Variants in SPINK5 observed in about 807,000 individuals in gnomAD.
SPINK5 encodes the protein serine peptidase inhibitor Kazal type 5, also known as serine protease inhibitor Kazal-type 5.
Under a neutral mutation model 151.8 loss-of-function variants are expected in SPINK5, and 125 were observed. The ratio of observed to expected loss-of-function variants is 0.82; its 90% CI spans 0.71 to 0.96. The LOEUF is 0.96. Among genes scored for constraint, SPINK5 ranks in the 40% least tolerant of loss-of-function variants. SPINK5 has a pLI of 0.00. For missense variants in SPINK5, 1,194 were observed against 1,291.9 expected (o/e 0.92, Z 1.16); for synonymous variants, 374 against 395.3 (o/e 0.95, Z 0.64).
chr5:148,101,634 TA>T, intron 14 of SPINK5, 146 bp from the exon 15 acceptor site: 1 of 1,308,976 alleles, frequency 7.6e-7, no homozygotes, highest in Non-Finnish European at 1.1e-6. Flanking sequence ...TTTTATCACT[TA>T]AAAAATCCAT....
At chr5:148,128,179 A>T (rs1404344012) in intron 30 of SPINK5, among the ~76,000 whole-genome samples, 2 of 152,014 alleles carry the variant, frequency 1.3e-5, no homozygotes, top group Non-Finnish European at 2.9e-5. Context: ...TGAGCTCCAC[A>T]TCAGGGATCC....
At chr5:148,108,265 A>G (rs1195173276) in intron 17 of SPINK5, among the ~76,000 whole-genome samples, 1 of 152,224 alleles carries the variant, frequency 6.6e-6, no homozygotes, top group Non-Finnish European at 1.5e-5. Context: ...CTGCAATCTA[A>G]ACCTTGAATT....
At chr5:148,087,990 C>T (rs114716652) in intron 5 of SPINK5, among the ~76,000 whole-genome samples, 2,333 of 151,498 alleles carry the variant, frequency 0.015, 50 homozygotes, top group African/African-American at 0.054. Flanking sequence ...TTGTAATCTG[C>T]TTTAACTTTT....
intron 16 of SPINK5, among the ~76,000 whole-genome samples, chr5:148,105,646 C>T (rs528218042): frequency 7.9e-5 from 12 of 151,848 alleles, no homozygotes; most frequent in East Asian, 1.9e-4. Context: ...GATGGAGTCT[C>T]GCTCTGTTGC....
chr5:148,133,252 A>G (rs1754616274), intron 31 of SPINK5, among the ~76,000 whole-genome samples: 1 of 152,212 alleles, frequency 6.6e-6, no homozygotes, highest in Admixed American at 6.5e-5. Flanking sequence ...AATTTAAGCA[A>G]TGCTAAAAGA....
At chr5:148,086,825 G>T (rs1447888022) in intron 5 of SPINK5, among the ~76,000 whole-genome samples, 1 of 150,228 alleles carries the variant, frequency 6.7e-6, no homozygotes, top group Non-Finnish European at 1.5e-5. Flanking sequence ...AAATGTTATA[G>T]ATTTTATATT....
chr5:148,129,552 T>C (rs1754524338), intron 30 of SPINK5, among the ~76,000 whole-genome samples: 1 of 152,140 alleles, frequency 6.6e-6, no homozygotes, highest in Non-Finnish European at 1.5e-5. Flanking sequence ...GTAGTACCTT[T>C]TGAACATTAT....
chr5:148,123,740 G>A (rs1288141870), intron 26 of SPINK5, 93 bp from the exon 27 acceptor site: 2 of 1,555,208 alleles, frequency 1.3e-6, no homozygotes, highest in African/African-American at 1.4e-5. Context: ...TTTTTTTCCT[G>A]TGTTATGAGT....
intron 30 of SPINK5, 81 bp downstream of exon 30, chr5:148,127,160 C>A (rs1480597570): frequency 1.6e-6 from 2 of 1,242,986 alleles, no homozygotes; most frequent in Non-Finnish European, 2.3e-6. Context: ...TTGCTATTTT[C>A]ATAGAAGGGT....
chr5:148,086,523 C>A lies in SPINK5; in HGVS notation c.401C>A (p.Ala134Asp). 1 of 1,611,260 alleles carries A rather than the reference C, an allele frequency of 6.2e-7. No homozygotes were observed. The highest frequency in any genetic ancestry group is 8.5e-7 in the Non-Finnish European group (1 of 1,178,436). The change falls in exon 5 of 33, where the codon GCT becomes GAT. Residue 134 changes from alanine (A) to aspartate (D), a missense_variant. Physicochemically the swap from Ala to Asp is moderately radical, Grantham distance 126. Coordinates refer to ENST00000256084, the MANE Select transcript of SPINK5 (RefSeq NM_006846.4). ...TATGACAACAGATGTGCACTGTGTG[C>A]TGAGAATGCGTGAGTATTCTCTGAA... ...KTYDNRCALCAENAKTGSQIG... is the reference protein window; with the variant it reads ...KTYDNRCALCDENAKTGSQIG...
rs199757347 is a variant in SPINK5 at position 148,091,214 on chromosome 5, C to G, written c.652C>G (p.Arg218Gly). The change falls in exon 8 of 33, where the codon CGA (arginine) becomes GGA (glycine). Residue 218 changes from arginine to glycine, a missense_variant. Physicochemically the swap from Arg to Gly is moderately radical, Grantham distance 125. Coordinates refer to ENST00000256084, the MANE Select transcript of SPINK5 (RefSeq NM_006846.4). The stretch of plus-strand genomic sequence containing the variant: ...GCGAGAGGGTGAAACTAGAATTCGA[C>G]GAAATGCTGAAAAGGTAAAATGACT... ...AKREGETRIRRNAEKDFCKEY... is the reference protein window; with the variant it reads ...AKREGETRIRGNAEKDFCKEY... 29 of 1,611,218 alleles carry G rather than the reference C, an allele frequency of 1.8e-5. No homozygotes were observed. In the East Asian group the frequency reaches 2.5e-4, roughly 14 times the overall value.
At chr5:148,079,086 G>GGA (rs2113021731) in intron 4 of SPINK5, among the ~76,000 whole-genome samples, 1 of 150,952 alleles carries the variant, frequency 6.6e-6, no homozygotes, top group East Asian at 2.0e-4. Context: ...GAGTGAAATA[G>GGA]GAGACATCAG....
chr5:148,091,783 G>C (rs1411360218), intron 8 of SPINK5, among the ~76,000 whole-genome samples: 1 of 132,898 alleles, frequency 7.5e-6, no homozygotes, highest in Admixed American at 7.6e-5. Flanking sequence ...AAAAAAAAAA[G>C]ACAAATTTTT....
intron 4 of SPINK5, among the ~76,000 whole-genome samples, chr5:148,085,193 T>C (rs1393528183): frequency 6.6e-6 from 1 of 151,932 alleles, no homozygotes; most frequent in African/African-American, 2.4e-5. Context: ...TTCTTTTCTA[T>C]TTTCAGTTCT....
At chr5:148,086,907 G>T (rs952222388) in intron 5 of SPINK5, among the ~76,000 whole-genome samples, 3 of 147,588 alleles carry the variant, frequency 2.0e-5, no homozygotes, top group Non-Finnish European at 3.0e-5. Flanking sequence ...ATAGACTTAT[G>T]ATTTTATAAT....
chr5:148,082,001 A>G (rs981199709), intron 4 of SPINK5, among the ~76,000 whole-genome samples: 6 of 151,714 alleles, frequency 4.0e-5, no homozygotes. Flanking sequence ...ATACTTTTTC[A>G]TAGTCATATA....
intron 26 of SPINK5, among the ~76,000 whole-genome samples, chr5:148,122,571 G>T (rs1397248747): frequency 6.6e-6 from 1 of 152,032 alleles, no homozygotes; most frequent in Non-Finnish European, 1.5e-5. Context: ...TGTAGACTCG[G>T]TTCTATTGGC....
chr5:148,133,983 GC>G, intron 32 of SPINK5, 96 bp downstream of exon 32: 2 of 1,312,222 alleles, frequency 1.5e-6, no homozygotes, highest in Non-Finnish European at 2.2e-6. Context: ...CATTTATCTG[GC>G]CAGAGAGGTG....
At chr5:148,123,512 A>ATAT (rs1561703850) in intron 26 of SPINK5, among the ~76,000 whole-genome samples, 1,547 of 120,776 alleles carry the variant, frequency 0.013, 43 homozygotes, top group East Asian at 0.047. Context: ...GCAGTGGTGC[A>ATAT]ATATATGTGT....
Sources: allele counts gnomAD v4.1 joint callset (sites outside exome capture counted in the v4.1 genomes callset), GRCh38; gene constraint gnomAD v4.1.1; transcripts MANE v1.5; gene names NCBI Gene and HGNC (gene_info 2026-07-23, HGNC 2026-07-21).